The following MINDY4 variants were observed in gnomAD, a reference collection of about 807,000 sequenced individuals.
MINDY4 encodes the protein MINDY lysine 48 deubiquitinase 4.
A neutral mutation model predicts 87.0 loss-of-function variants in MINDY4; 68 were observed. The observed-to-expected ratio is 0.78, with a 90% CI of 0.64 to 0.96. MINDY4 has a LOEUF of 0.96. Among genes scored for constraint, MINDY4 ranks in the 40% least tolerant of loss-of-function variants. The pLI is 0.00. For synonymous variants in MINDY4, 379 were observed against 363.2 expected (o/e 1.04, Z -0.50); for missense variants, 919 against 928.2 (o/e 0.99, Z 0.13).
Position 30,775,137 on chromosome 7 carries a change from C to T in MINDY4, c.64-3295C>T, listed in dbSNP as rs529783695. Among the ~76,000 whole-genome samples, 5 of 152,230 alleles carry T rather than the reference C, an allele frequency of 3.3e-5. No homozygotes were observed. The East Asian group carries it at 7.7e-4, about 24-fold the overall frequency. On this transcript the variant is annotated intron_variant, in intron 1 of 17. Coordinates refer to ENST00000265299, the MANE Select transcript of MINDY4 (RefSeq NM_032222.3). ...AACTCTCCAGACACCAATTGGGTGT[C>T]GTACAATTCAAATCAGTCCTGACAC...
chr7:30,813,551 G>T (rs996593061), intron 5 of MINDY4, among the ~76,000 whole-genome samples: 1 of 152,220 alleles, frequency 6.6e-6, no homozygotes, highest in African/African-American at 2.4e-5. Flanking sequence ...GCAAGAGGCC[G>T]TAACCCCAGA....
chr7:30,836,486 G>A (rs1203496929), intron 6 of MINDY4, among the ~76,000 whole-genome samples, 172 bp from the exon 7 acceptor site: 2 of 152,208 alleles, frequency 1.3e-5, no homozygotes, highest in African/African-American at 4.8e-5. Context: ...CTTTCCTTCC[G>A]CTAAGGGTCT....
At chr7:30,867,954 A>G (rs1789990988) in intron 13 of MINDY4, among the ~76,000 whole-genome samples, 1 of 152,202 alleles carries the variant, frequency 6.6e-6, no homozygotes, top group Non-Finnish European at 1.5e-5. Context: ...TTCTAAGTGA[A>G]GACACAAGCT....
intron 5 of MINDY4, among the ~76,000 whole-genome samples, chr7:30,800,198 C>G (rs1259655900): frequency 6.6e-6 from 1 of 152,170 alleles, no homozygotes; most frequent in African/African-American, 2.4e-5. Flanking sequence ...TGCATTCACC[C>G]AACCCCTAGG....
chr7:30,781,850 G>A, intron 2 of MINDY4, 127 bp from the exon 3 acceptor site: 1 of 668,168 alleles, frequency 1.5e-6, no homozygotes, highest in Non-Finnish European at 2.5e-6. Flanking sequence ...AGTAAATGTT[G>A]GCTGAAAGCT....
chr7:30,835,781 G>C (rs532435939), intron 6 of MINDY4, among the ~76,000 whole-genome samples: 40 of 152,338 alleles, frequency 2.6e-4, no homozygotes, highest in Middle Eastern at 3.4e-3. Context: ...CAGCCTTGCC[G>C]GCACCATTGC....
intron 14 of MINDY4, among the ~76,000 whole-genome samples, chr7:30,873,404 T>C (rs56225822): frequency 0.011 from 1,697 of 152,314 alleles, 20 homozygotes; most frequent in Admixed American, 0.02. Context: ...ACTCACAATA[T>C]GAGCTGGGGC....
At chr7:30,884,371 G>C (rs1427291701) in intron 17 of MINDY4, among the ~76,000 whole-genome samples, 1 of 152,190 alleles carries the variant, frequency 6.6e-6, no homozygotes, top group South Asian at 2.1e-4. Context: ...TCATGTGCTG[G>C]TGCTTCTTTC....
intron 2 of MINDY4, chr7:30,781,626 A>G (rs922954088): frequency 5.0e-6 from 1 of 200,408 alleles, no homozygotes; most frequent in Non-Finnish European, 1.0e-5. Context: ...CGTTTTTTAA[A>G]TGAAGGGATA....
At chr7:30,852,316 CTTTG>C (rs1789437829) in intron 11 of MINDY4, 37 bp downstream of exon 11, 1 of 1,613,634 alleles carries the variant, frequency 6.2e-7, no homozygotes, top group Non-Finnish European at 8.5e-7. Flanking sequence ...CAAACTTTGG[CTTTG>C]TTTGGGGACT....
chr7:30,817,359 G>T lies in MINDY4; in HGVS notation c.1074-11320G>T, dbSNP rs545499854. Among the ~76,000 whole-genome samples the T allele has an allele frequency of 2.5e-3, 354 of 140,712 alleles. 2 individuals are homozygous for T. The highest frequency in any genetic ancestry group is 9.8e-3 in the African/African-American group (337 of 34,286). The allele number at this position is 140,712 out of a possible 152,430, so 92.3% of individuals were successfully genotyped here. ...AAGCTTTTCTTCCATGGAGAACTTGGGTTTGTCTTTTTTTTTTTTTTTTTT... is the reference window on the plus strand; with the variant it reads ...AAGCTTTTCTTCCATGGAGAACTTGTGTTTGTCTTTTTTTTTTTTTTTTTT... On this transcript the variant is annotated intron_variant, in intron 5 of 17. Transcript: ENST00000265299.
intron 13 of MINDY4, among the ~76,000 whole-genome samples, chr7:30,866,824 G>A (rs1789951062): frequency 6.6e-6 from 1 of 152,068 alleles, no homozygotes; most frequent in Non-Finnish European, 1.5e-5. Context: ...CTTGGGAAGG[G>A]CTTTGGCCAG....
At chr7:30,831,480 G>T (rs146311807) in intron 6 of MINDY4, among the ~76,000 whole-genome samples, 21 of 152,316 alleles carry the variant, frequency 1.4e-4, no homozygotes, top group African/African-American at 5.1e-4. Flanking sequence ...TCCTGTAACA[G>T]TGGAGAGAGA....
chr7:30,845,780 C>A (rs577379787), intron 9 of MINDY4, among the ~76,000 whole-genome samples: 1 of 152,210 alleles, frequency 6.6e-6, no homozygotes, highest in Non-Finnish European at 1.5e-5. Flanking sequence ...AGGGAAGTCA[C>A]GCTGAAATAA....
In MINDY4 at chr7:30,872,293, G is replaced by A. The variant is rs1273097585; in HGVS notation, c.1796G>A (p.Gly599Asp). 5.0e-6 allele frequency: 8 copies of A among 1,614,008 alleles called. No homozygotes were observed. Among genetic ancestry groups the A allele is most frequent in the Non-Finnish European group, 6.8e-6 (8 of 1,180,012 alleles). ...VPTSHLIGAHGYCTQELVNLL... is the reference protein window; with the variant it reads ...VPTSHLIGAHDYCTQELVNLL... ...ACCAGCCACCTGATTGGAGCACATG[G>A]CTACTGTACACAGGTCAGGGGGCGC... The change falls in exon 14 of 18, where the codon GGC (glycine) becomes GAC (aspartate). Residue 599 changes from glycine to aspartate, a missense_variant. Coordinates refer to ENST00000265299, the MANE Select transcript of MINDY4 (RefSeq NM_032222.3).
intron 13 of MINDY4, among the ~76,000 whole-genome samples, chr7:30,871,512 A>G (rs904238679): frequency 5.3e-5 from 8 of 152,184 alleles, no homozygotes; most frequent in African/African-American, 1.9e-4. Context: ...ACCTCTGCTC[A>G]CCGGGATACT....
At chr7:30,849,152 G>C (rs1440627915) in intron 9 of MINDY4, among the ~76,000 whole-genome samples, 1 of 152,182 alleles carries the variant, frequency 6.6e-6, no homozygotes, top group African/African-American at 2.4e-5. Context: ...GCTGCCCACT[G>C]TGGTGGGCTG....
At chr7:30,815,405 C>G (rs1438951771) in intron 5 of MINDY4, among the ~76,000 whole-genome samples, 1 of 152,194 alleles carries the variant, frequency 6.6e-6, no homozygotes, top group Non-Finnish European at 1.5e-5. Flanking sequence ...CCACCCACAC[C>G]TGGGACACCT....
At chr7:30,783,157 G>T (rs745993354) in intron 3 of MINDY4, among the ~76,000 whole-genome samples, 1 of 152,210 alleles carries the variant, frequency 6.6e-6, no homozygotes, top group Non-Finnish European at 1.5e-5. Context: ...CTGTCTGGAG[G>T]TTCTGAGGGG....
Sources: allele counts gnomAD v4.1 joint callset (sites outside exome capture counted in the v4.1 genomes callset), GRCh38; gene constraint gnomAD v4.1.1; transcripts MANE v1.5; gene names NCBI Gene and HGNC (gene_info 2026-07-23, HGNC 2026-07-21).